The following VPS54 variants were observed in gnomAD, a reference collection of about 807,000 sequenced individuals.
VPS54 encodes VPS54 subunit of GARP complex, also known as vacuolar protein sorting-associated protein 54.
VPS54 carries 45 observed loss-of-function variants against 121.5 expected under a neutral mutation model. The ratio of observed to expected loss-of-function variants is 0.37; its 90% CI spans 0.29 to 0.47. VPS54 has a LOEUF of 0.47. VPS54 is among the 20% of genes least tolerant of loss of function. The pLI is 0.99. For synonymous variants in VPS54, 371 were observed against 385.8 expected (o/e 0.96, Z 0.45); for missense variants, 1,090 against 1,131.4 (o/e 0.96, Z 0.52).
chr2:64,002,084 G>C (rs1677909605), intron 1 of VPS54, among the ~76,000 whole-genome samples: 1 of 152,186 alleles, frequency 6.6e-6, no homozygotes, highest in East Asian at 1.9e-4. Context: ...CCATGTGTGG[G>C]CATCAGCTGA....
chr2:63,976,351 A>AG (rs1298266328), intron 3 of VPS54, among the ~76,000 whole-genome samples: 1 of 112,988 alleles, frequency 8.9e-6, no homozygotes, highest in Non-Finnish European at 1.8e-5. Flanking sequence ...ACCTTGTCTC[A>AG]AAAAAAAAAA....
intron 6 of VPS54, among the ~76,000 whole-genome samples, chr2:63,964,813 C>G (rs567256409): frequency 2.0e-5 from 3 of 152,260 alleles, no homozygotes; most frequent in African/African-American, 7.2e-5. Flanking sequence ...GGGGATATCA[C>G]TAAAGTAAAA....
chr2:63,906,709 A>G (rs13017354), intron 20 of VPS54, among the ~76,000 whole-genome samples: 57 of 152,168 alleles, frequency 3.7e-4, no homozygotes, highest in Non-Finnish European at 7.5e-4. Context: ...AGCAGGTGCA[A>G]TCTGGCTCTG....
At chr2:63,921,099 GT>G in intron 13 of VPS54, 106 bp downstream of exon 13, 1 of 1,218,474 alleles carries the variant, frequency 8.2e-7, no homozygotes, top group Non-Finnish European at 1.1e-6. Flanking sequence ...TTTATTAAAT[GT>G]TAAAAATATA....
intron 11 of VPS54, among the ~76,000 whole-genome samples, chr2:63,937,779 G>A (rs922627947): frequency 6.6e-6 from 1 of 152,150 alleles, no homozygotes; most frequent in Non-Finnish European, 1.5e-5. Context: ...GCAAAATGTA[G>A]TAGATACACA....
chr2:63,936,663 A>C (rs536085007), intron 11 of VPS54, among the ~76,000 whole-genome samples: 1 of 152,322 alleles, frequency 6.6e-6, no homozygotes, highest in South Asian at 2.1e-4. Flanking sequence ...AAATTAGCCT[A>C]ATCTATAGGG....
intron 12 of VPS54, among the ~76,000 whole-genome samples, chr2:63,922,976 A>C (rs1673713963): frequency 6.6e-6 from 1 of 152,020 alleles, no homozygotes; most frequent in South Asian, 2.1e-4. Flanking sequence ...GCCCAAAGTT[A>C]GTTTTTTAAA....
intron 21 of VPS54, among the ~76,000 whole-genome samples, chr2:63,899,244 A>G (rs1001522807): frequency 6.6e-6 from 1 of 152,224 alleles, no homozygotes; most frequent in Non-Finnish European, 1.5e-5. Context: ...CCTACTTTTT[A>G]GAATTGTTTA....
chr2:63,957,481 A>T (rs941779621), intron 7 of VPS54, among the ~76,000 whole-genome samples: 1 of 152,010 alleles, frequency 6.6e-6, no homozygotes, highest in Non-Finnish European at 1.5e-5. Flanking sequence ...TAATAATTAA[A>T]ATTGCCCAAT....
intron 20 of VPS54, among the ~76,000 whole-genome samples, chr2:63,911,491 T>C (rs145097363): frequency 6.6e-6 from 1 of 152,186 alleles, no homozygotes; most frequent in African/African-American, 2.4e-5. Context: ...AGATGCTATT[T>C]ATCTATTTTA....
intron 7 of VPS54, among the ~76,000 whole-genome samples, chr2:63,956,021 A>T (rs946330500): frequency 6.6e-6 from 1 of 152,142 alleles, no homozygotes. Flanking sequence ...AATACTTTCT[A>T]CTTAGATATG....
chr2:63,936,724 A>C (rs776408062), intron 11 of VPS54, among the ~76,000 whole-genome samples: 16 of 152,218 alleles, frequency 1.1e-4, no homozygotes, highest in Admixed American at 2.0e-4. Flanking sequence ...AATCGTAAAG[A>C]ATGAAGTATG....
chr2:64,007,479 G>A (rs925503293), intron 1 of VPS54, among the ~76,000 whole-genome samples: 1 of 152,210 alleles, frequency 6.6e-6, no homozygotes, highest in South Asian at 2.1e-4. Flanking sequence ...TCTACAAGGT[G>A]TCTTTTTGCC....
chr2:63,987,325 C>T (rs1443524765), intron 1 of VPS54, among the ~76,000 whole-genome samples: 2 of 152,168 alleles, frequency 1.3e-5, no homozygotes, highest in African/African-American at 2.4e-5. Context: ...CTGTCCTTTT[C>T]CCCAAGATTG....
At chr2:63,909,703 C>T (rs1415152963) in intron 20 of VPS54, among the ~76,000 whole-genome samples, 6 of 148,046 alleles carry the variant, frequency 4.1e-5, no homozygotes, top group Middle Eastern at 3.6e-3. Context: ...TAGACGTAAG[C>T]GACCTCGCCT....
chr2:63,967,086 G>A (rs1190760873), intron 5 of VPS54, among the ~76,000 whole-genome samples: 1 of 152,082 alleles, frequency 6.6e-6, no homozygotes, highest in African/African-American at 2.4e-5. Flanking sequence ...TGTTCTTGCA[G>A]GGTTAAATTT....
At position 63,899,485 on chromosome 2, in the gene VPS54, C is replaced by T; in HGVS notation, c.2722G>A (p.Glu908Lys). 2 of 1,613,388 alleles carry T rather than the reference C, an allele frequency of 1.2e-6. No homozygotes were observed. The highest frequency in any genetic ancestry group is 2.2e-5 in the South Asian group (2 of 91,038). Reference sequence around the variant, plus strand: ...GAATTACTTCTCACCTGTGTTTGTTCTTCTGGAAGGAGATCAAATATAGCT... The same window carrying T: ...GAATTACTTCTCACCTGTGTTTGTTTTTCTGGAAGGAGATCAAATATAGCT... ...HEAIFDLLPE[E>K]QTQMLFLRIN... Residue 908 changes from glutamate (E) to lysine (K), a missense_variant, in exon 21 of 23, where the codon GAA becomes AAA. By Grantham distance (56) the Glu-to-Lys change is moderately conservative. Transcript: ENST00000272322.
chr2:63,925,514 T>C (rs1673856476), intron 12 of VPS54, among the ~76,000 whole-genome samples: 1 of 152,230 alleles, frequency 6.6e-6, no homozygotes, highest in Non-Finnish European at 1.5e-5. Context: ...CAGGTATATA[T>C]TCAACAGCAA....
intron 6 of VPS54, among the ~76,000 whole-genome samples, chr2:63,962,654 A>G (rs902779979): frequency 5.9e-5 from 9 of 152,172 alleles, no homozygotes; most frequent in Non-Finnish European, 1.0e-4. Context: ...ACAAAAGAGT[A>G]CAAGGTCATT....
Sources: gnomAD v4.1 joint callset for allele counts (sites outside exome capture counted in the v4.1 genomes callset) on GRCh38, gnomAD v4.1.1 for gene constraint, MANE v1.5 for transcripts, NCBI Gene and HGNC (gene_info 2026-07-23, HGNC 2026-07-21) for gene names.